Variants in FOXN3 observed in about 807,000 individuals in gnomAD.
FOXN3 encodes forkhead box protein N3.
Under a neutral mutation model 38.4 loss-of-function variants are expected in FOXN3, and 7 were observed. The observed-to-expected ratio is 0.18, with a 90% CI of 0.10 to 0.34. The LOEUF (loss-of-function observed/expected upper bound fraction) is 0.34, where lower values mean the gene tolerates loss of function less well. FOXN3 is among the 10% of genes least tolerant of loss of function. The pLI, the probability that FOXN3 is intolerant of heterozygous loss-of-function variation, is 1.00. For missense variants in FOXN3, 456 were observed against 613.4 expected (o/e 0.74, Z 2.71); for synonymous variants, 230 against 242.2 (o/e 0.95, Z 0.47).
chr14:89,552,070 G>C (rs1223409214), intron 1 of FOXN3, among the ~76,000 whole-genome samples: 1 of 152,170 alleles, frequency 6.6e-6, no homozygotes, highest in African/African-American at 2.4e-5. Flanking sequence ...CCAAACACTT[G>C]AAGGAAAACA....
At chr14:89,611,047 C>T (rs1284600996) in intron 1 of FOXN3, among the ~76,000 whole-genome samples, 1 of 152,152 alleles carries the variant, frequency 6.6e-6, no homozygotes, top group Admixed American at 6.5e-5. Context: ...TCCACCTGGT[C>T]ACACGTATAC....
chr14:89,337,012 C>T (rs951134161), intron 3 of FOXN3, among the ~76,000 whole-genome samples: 3 of 152,010 alleles, frequency 2.0e-5, no homozygotes, highest in Non-Finnish European at 1.5e-5. Context: ...TTGGAGTCAC[C>T]GTATGTCCAA....
chr14:89,564,239 A>G (rs1315158262), intron 1 of FOXN3, among the ~76,000 whole-genome samples: 2 of 152,168 alleles, frequency 1.3e-5, no homozygotes, highest in African/African-American at 2.4e-5. Flanking sequence ...TATACAATAA[A>G]TAATATAGAA....
At chr14:89,371,347 C>T (rs1890314506) in intron 2 of FOXN3, among the ~76,000 whole-genome samples, 1 of 152,116 alleles carries the variant, frequency 6.6e-6, no homozygotes, top group Admixed American at 6.5e-5. Flanking sequence ...TATCAGAATA[C>T]AACCGAGAAG....
chr14:89,382,434 C>A (rs1309426979), intron 2 of FOXN3, among the ~76,000 whole-genome samples: 1 of 152,186 alleles, frequency 6.6e-6, no homozygotes, highest in Non-Finnish European at 1.5e-5. Context: ...CAACATGGCA[C>A]CTTCCTATCT....
intron 3 of FOXN3, among the ~76,000 whole-genome samples, chr14:89,319,246 C>A (rs1307514678): frequency 6.6e-6 from 1 of 152,122 alleles, no homozygotes; most frequent in East Asian, 1.9e-4. Context: ...GGAGGACTCA[C>A]AGGACACAGC....
chr14:89,517,868 G>A (rs77314820), intron 1 of FOXN3, among the ~76,000 whole-genome samples: 4,822 of 152,298 alleles, frequency 0.032, 224 homozygotes, highest in African/African-American at 0.1. Flanking sequence ...CAGCCCGTGT[G>A]TATTGGCCTG....
intron 4 of FOXN3, among the ~76,000 whole-genome samples, chr14:89,217,549 T>C (rs1884324770): frequency 1.3e-5 from 2 of 152,218 alleles, no homozygotes; most frequent in South Asian, 4.1e-4. Flanking sequence ...TAATTCGCCA[T>C]TTCATTCACT....
At chr14:89,288,926 C>T (rs1886766293) in intron 3 of FOXN3, among the ~76,000 whole-genome samples, 2 of 151,142 alleles carry the variant, frequency 1.3e-5, no homozygotes, top group Admixed American at 1.3e-4. Context: ...TGGCTCACAC[C>T]TGTAATCCCA....
intron 2 of FOXN3, chr14:89,364,589 A>C (rs1300653805): frequency 1.3e-5 from 2 of 152,150 alleles, no homozygotes; most frequent in Non-Finnish European, 2.9e-5. Flanking sequence ...AGAATATTTC[A>C]AACTCACCGA....
intron 4 of FOXN3, among the ~76,000 whole-genome samples, chr14:89,252,769 T>C (rs889407732): frequency 6.6e-5 from 10 of 152,114 alleles, no homozygotes; most frequent in African/African-American, 1.9e-4. Context: ...CGATTTTATA[T>C]GAAAATCTTG....
rs1051717211 is a variant in FOXN3 at position 89,174,928 on chromosome 14, T to A, written c.851+5773A>T. 5.3e-5 allele frequency among the ~76,000 whole-genome samples: 8 copies of A among 152,206 alleles called. 1 individual carries two copies. The highest frequency in any genetic ancestry group is 1.7e-4 in the African/African-American group (7 of 41,466). ...GGCCAACAGGTGTTTGGTCTTTACA[T>A]ACAGAACAAAATACAACACTAGAAA... On this transcript the variant is annotated intron_variant, in intron 5 of 5. Coordinates refer to ENST00000557258, the MANE Select transcript of FOXN3 (RefSeq NM_005197.4).
At chr14:89,438,344 T>C (rs1892312538) in intron 1 of FOXN3, among the ~76,000 whole-genome samples, 1 of 152,222 alleles carries the variant, frequency 6.6e-6, no homozygotes, top group Non-Finnish European at 1.5e-5. Context: ...ATCTGACGCC[T>C]TATATATGAA....
chr14:89,402,474 T>A (rs1479257539), intron 2 of FOXN3, among the ~76,000 whole-genome samples: 1 of 152,196 alleles, frequency 6.6e-6, no homozygotes, highest in African/African-American at 2.4e-5. Context: ...AAGTTCCAAG[T>A]TTGCTTGGCA....
intron 3 of FOXN3, among the ~76,000 whole-genome samples, chr14:89,318,943 A>C (rs1317846037): frequency 6.6e-6 from 1 of 152,256 alleles, no homozygotes; most frequent in Non-Finnish European, 1.5e-5. Context: ...CAGAAACACC[A>C]GACAGAGAAG....
At chr14:89,274,472 A>C (rs1886240120) in intron 4 of FOXN3, among the ~76,000 whole-genome samples, 1 of 152,124 alleles carries the variant, frequency 6.6e-6, no homozygotes, top group Admixed American at 6.5e-5. Flanking sequence ...ACAGTTCTTT[A>C]ATCTTCACCA....
intron 2 of FOXN3, among the ~76,000 whole-genome samples, chr14:89,380,375 T>C (rs1033034756): frequency 2.6e-5 from 4 of 152,224 alleles, no homozygotes; most frequent in South Asian, 2.1e-4. Flanking sequence ...GTCTCAGGTA[T>C]GTCTTTATTT....
intron 4 of FOXN3, among the ~76,000 whole-genome samples, chr14:89,236,601 A>C (rs1884988575): frequency 6.6e-6 from 1 of 152,196 alleles, no homozygotes; most frequent in African/African-American, 2.4e-5. Flanking sequence ...GCATCTTGGC[A>C]AGGGGCTATG....
At chr14:89,451,009 G>A (rs1892604124) in intron 1 of FOXN3, among the ~76,000 whole-genome samples, 1 of 152,168 alleles carries the variant, frequency 6.6e-6, no homozygotes, top group Non-Finnish European at 1.5e-5. Context: ...CCTACCCTTG[G>A]TTTAAAGAAT....
Sources: gnomAD v4.1 joint callset for allele counts (sites outside exome capture counted in the v4.1 genomes callset) on GRCh38, gnomAD v4.1.1 for gene constraint, MANE v1.5 for transcripts, NCBI Gene and HGNC (gene_info 2026-07-23, HGNC 2026-07-21) for gene names.